The following SEC31B variants were observed in gnomAD, a reference collection of about 807,000 sequenced individuals.
SEC31B encodes the protein SEC31 homolog B, COPII component, also known as protein transport protein Sec31B.
SEC31B carries 113 observed loss-of-function variants against 135.0 expected under a neutral mutation model. The observed-to-expected ratio is 0.84, with a 90% confidence interval of 0.72 to 0.98. SEC31B has a LOEUF of 0.98. Among genes scored for constraint, SEC31B ranks in the 50% least tolerant of loss-of-function variants. The pLI is 0.00. For missense variants in SEC31B, 1,296 were observed against 1,421.1 expected, an observed-to-expected ratio of 0.91 and a Z score of 1.42; for synonymous variants, 508 against 549.4, an observed-to-expected ratio of 0.92 and a Z score of 1.05.
In SEC31B at chr10:100,488,957, A is replaced by T; in HGVS notation, c.3189T>A (p.Pro1063=). ...GCAGCTCCTTCCTTTCCATCTTCTC[A>T]GGTGGCAGGTGCTGAAGCTGCTGAT... ...ELSLQLQHLP[P]EKMERKELPP... is the part of the protein sequence containing the mutation. Residue 1063 remains proline, a synonymous_variant, in exon 24 of 26, where the codon CCT becomes CCA. Coordinates refer to ENST00000370345, the MANE Select transcript of SEC31B (RefSeq NM_015490.4). 1 of 1,608,454 alleles carries T rather than the reference A, an allele frequency of 6.2e-7. No homozygotes were observed. The highest frequency in any genetic ancestry group is 8.5e-7 in the Non-Finnish European group (1 of 1,177,820).
intron 3 of SEC31B, among the ~76,000 whole-genome samples, chr10:100,511,649 C>T (rs1217844886): frequency 2.6e-5 from 4 of 152,064 alleles, no homozygotes; most frequent in African/African-American, 9.7e-5. Flanking sequence ...AAATTGTTTC[C>T]ATGATTTATT....
At chr10:100,489,939 C>T in intron 21 of SEC31B, 69 bp downstream of exon 21, 1 of 1,531,430 alleles carries the variant, frequency 6.5e-7, no homozygotes, top group African/African-American at 1.4e-5. Context: ...TGAGGAAAGA[C>T]TCCCAAAGTA....
At chr10:100,511,435 TG>T (rs1287248968) in intron 3 of SEC31B, among the ~76,000 whole-genome samples, 2 of 152,152 alleles carry the variant, frequency 1.3e-5, no homozygotes, top group Non-Finnish European at 2.9e-5. Context: ...GCAACTTTCC[TG>T]TAAGTTTGGA....
chr10:100,500,906 C>T (rs1432363077), intron 11 of SEC31B, among the ~76,000 whole-genome samples: 1 of 152,048 alleles, frequency 6.6e-6, no homozygotes, highest in Non-Finnish European at 1.5e-5. Context: ...TCTTGGGTAG[C>T]TTTTAAACCA....
intron 18 of SEC31B, 65 bp from the exon 19 acceptor site, chr10:100,495,611 T>C: frequency 6.6e-7 from 1 of 1,515,676 alleles, no homozygotes; most frequent in Non-Finnish European, 9.0e-7. Flanking sequence ...CAGGTAGCAG[T>C]CAAATTTCAG....
rs78460188 is a variant in SEC31B, at chr10:100,493,551, C to T, written c.2472+1834G>A. On this transcript the variant is annotated intron_variant, in intron 19 of 25. Coordinates refer to ENST00000370345, the MANE Select transcript of SEC31B (RefSeq NM_015490.4). ...GCCATGATTCTATTTAAGTAACAAT[C>T]GTTAAATAACAATGATAGAGCTGGA... Among the ~76,000 whole-genome samples the T allele has an allele frequency of 8.4e-3, 1,276 of 152,124 alleles. 19 individuals carry two copies. Among genetic ancestry groups the T allele is most frequent in the African/African-American group, 0.029 (1,219 of 41,492 alleles).
chr10:100,496,556 G>A (rs2133679077), intron 17 of SEC31B, 125 bp from the exon 18 acceptor site: 1 of 931,588 alleles, frequency 1.1e-6, no homozygotes, highest in East Asian at 2.6e-5. Context: ...ATACCTAGGT[G>A]AAGGCAGCAG....
rs1851663834 is a variant in SEC31B, at chr10:100,507,898, C to T, written c.639+10G>A. 1 of 1,614,170 alleles carries T rather than the reference C, an allele frequency of 6.2e-7. No homozygotes were observed. Among genetic ancestry groups the T allele is most frequent in the Non-Finnish European group, 8.5e-7 (1 of 1,180,026 alleles). ...GAGCCCAAGCCTGTGTTCTGGCCTC[C>T]AATACTCACCCTGTTGCTGTGATCA... On this transcript the variant is annotated intron_variant, in intron 6 of 25. Transcript: ENST00000370345.
At position 100,490,049 on chromosome 10, in the gene SEC31B, G is replaced by C. The variant is rs1564647823; in HGVS notation, c.2924C>G (p.Ser975Cys). The part of the protein sequence containing the change: ...YLPGDPGAPC[S>C]SVLPTTGILT... ...GATGCCAGTGGTTGGGAGGACACTAGAGCATGGGGCACCTGGGTCCCCTGG... is the reference window on the plus strand; with the variant it reads ...GATGCCAGTGGTTGGGAGGACACTACAGCATGGGGCACCTGGGTCCCCTGG... Residue 975 changes from serine to cysteine, a missense_variant, in exon 21 of 26, where the codon TCT becomes TGT. Coordinates refer to ENST00000370345, the MANE Select transcript of SEC31B (RefSeq NM_015490.4). 1.9e-6 allele frequency: 3 copies of C among 1,561,102 alleles called. No individual in the cohort carries two copies. The highest frequency in any genetic ancestry group is 1.2e-5 in the South Asian group (1 of 80,426).
chr10:100,517,113 C>T, intron 1 of SEC31B, 116 bp from the exon 2 acceptor site: 1 of 608,474 alleles, frequency 1.6e-6, no homozygotes, highest in South Asian at 1.9e-5. Flanking sequence ...CACAGAGTGA[C>T]AAATACATGA....
At chr10:100,517,788 G>GT (rs894181320) in intron 1 of SEC31B, among the ~76,000 whole-genome samples, 2 of 152,072 alleles carry the variant, frequency 1.3e-5, no homozygotes, top group African/African-American at 4.8e-5. Context: ...TCTTCCTCCA[G>GT]TTTTTTTCAT....
intron 4 of SEC31B, 31 bp from the exon 5 acceptor site, chr10:100,509,133 C>A (rs147993681): frequency 2.5e-6 from 4 of 1,597,570 alleles, no homozygotes; most frequent in Non-Finnish European, 3.4e-6. Flanking sequence ...TGGAGACATA[C>A]CACCCTAGGA....
At chr10:100,512,021 A>G (rs143361129) in intron 3 of SEC31B, among the ~76,000 whole-genome samples, 64 of 152,348 alleles carry the variant, frequency 4.2e-4, no homozygotes, top group African/African-American at 1.5e-3. Context: ...CCCATGCTCT[A>G]TTATCTTAAT....
chr10:100,508,656 C>CT (rs1467689557), intron 5 of SEC31B: 1 of 407,536 alleles, frequency 2.5e-6, no homozygotes, highest in African/African-American at 2.1e-5. Context: ...TCCTACTCTT[C>CT]CTCCCTCTTT....
At position 100,487,395 on chromosome 10, in the gene SEC31B, C is replaced by G; in HGVS notation, c.*221G>C. ...GAAGAACTGATTCTATGCCCTGCCT[C>G]CAGGCCTGAGAGTGTCTTGGACAGA... On this transcript the variant is annotated 3_prime_UTR_variant, in exon 26 of 26. Transcript: ENST00000370345. 1 of 566,810 alleles carries G rather than the reference C, an allele frequency of 1.8e-6. No homozygotes were observed. Among genetic ancestry groups the G allele is most frequent in the Non-Finnish European group, 3.1e-6 (1 of 318,016 alleles). The allele number at this position is 566,810 out of a possible 1,614,324, so 35.1% of individuals were successfully genotyped here.
Position 100,507,524 on chromosome 10 carries a change from T to C in SEC31B, c.683A>G (p.Gln228Arg). ...ATCATCCTCTGAGCACAGCACTAAC[T>C]GGGTGGCTATGTCAGGATGCCAGGC... is the stretch of plus-strand genomic sequence containing the variant. ...GLAWHPDIAT[Q>R]LVLCSEDDRL... is the part of the protein sequence containing the mutation. The change falls in exon 7 of 26, where the codon CAG becomes CGG. Residue 228 changes from glutamine to arginine, a missense_variant. Transcript: ENST00000370345. 2 of 1,614,188 alleles carry C rather than the reference T, an allele frequency of 1.2e-6. No individual in the cohort carries two copies. The highest frequency in any genetic ancestry group is 1.7e-6 in the Non-Finnish European group (2 of 1,180,020).
chr10:100,505,375 C>T lies in SEC31B; in HGVS notation c.1165G>A (p.Gly389Ser). ...KPPKWIRRPT[G>S]VSFAFGGKLV... The stretch of plus-strand genomic sequence containing the variant: ...ACTACACTTACAGCAAATGAAACAC[C>T]TGTTGGTCTTCTAATCCATTTGGGG... Residue 389 changes from glycine (G) to serine (S), a missense_variant, in exon 10 of 26, where the codon GGT (glycine) becomes AGT (serine). Gly to Ser is a moderately conservative substitution (Grantham distance 56). Transcript: ENST00000370345. 6.2e-7 allele frequency: 1 copy of T among 1,613,252 alleles called. No individual in the cohort carries two copies. Among genetic ancestry groups the T allele is most frequent in the Non-Finnish European group, 8.5e-7 (1 of 1,179,616 alleles).
rs750412616 is a variant in SEC31B, at chr10:100,506,307, A to G, written c.882+14T>C. 3.1e-6 allele frequency: 5 copies of G among 1,613,998 alleles called. No homozygotes were observed. In the Admixed American group the frequency reaches 6.7e-5, roughly 22 times the overall value. Reference sequence around the variant, plus strand: ...CTCTCCCATCCCAGCATGCCCACAGAAGGGCCAGCCTACCTCACTGCTCCC... The same window carrying G: ...CTCTCCCATCCCAGCATGCCCACAGGAGGGCCAGCCTACCTCACTGCTCCC... On this transcript the variant is annotated intron_variant, in intron 8 of 25. Transcript: ENST00000370345.
chr10:100,491,545 A>C (rs989381898), intron 19 of SEC31B, among the ~76,000 whole-genome samples: 6 of 152,246 alleles, frequency 3.9e-5, no homozygotes, highest in African/African-American at 1.4e-4. Context: ...ATATTCCACA[A>C]GAAAGTGGGA....
Sources: gnomAD v4.1 joint callset for allele counts (sites outside exome capture counted in the v4.1 genomes callset) on GRCh38, gnomAD v4.1.1 for gene constraint, MANE v1.5 for transcripts, NCBI Gene and HGNC (gene_info 2026-07-23, HGNC 2026-07-21) for gene names.